Variants in KHSRP observed in about 807,000 individuals in gnomAD.
KHSRP encodes far upstream element-binding protein 2.
In KHSRP, 13 loss-of-function variants were observed where a neutral mutation model predicts 94.9. The ratio of observed to expected loss-of-function variants is 0.14; its 90% CI spans 0.09 to 0.22. The LOEUF (loss-of-function observed/expected upper bound fraction) is 0.22. Ranked by LOEUF, KHSRP falls within the 10% of genes least tolerant of loss-of-function variation. The pLI is 1.00. For missense variants in KHSRP, 710 were observed against 1,010.0 expected (o/e 0.70, Z 4.03); for synonymous variants, 495 against 401.4 (o/e 1.23, Z -2.79).
intron 1 of KHSRP, 32 bp downstream of exon 1, chr19:6,424,421 G>A (rs1296312653): frequency 3.9e-5 from 38 of 979,160 alleles, no homozygotes; most frequent in Non-Finnish European, 4.5e-5. Flanking sequence ...GCGCGCGCGC[G>A]AGCGCGCCCC....
chr19:6,415,760 G>T (rs779028251), intron 16 of KHSRP, 26 bp from the exon 17 acceptor site: 1 of 1,551,368 alleles, frequency 6.4e-7, no homozygotes, highest in Non-Finnish European at 8.7e-7. Flanking sequence ...CGGGTGAGAC[G>T]GGGGGACAGA....
chr19:6,415,763 G>C, intron 16 of KHSRP, 29 bp from the exon 17 acceptor site: 1 of 1,552,254 alleles, frequency 6.4e-7, no homozygotes, highest in South Asian at 1.2e-5. Context: ...GTGAGACGGG[G>C]GGACAGAACA....
chr19:6,414,362 G>C lies in KHSRP; in HGVS notation c.*662C>G. 5 of 1,357,426 alleles carry C rather than the reference G, an allele frequency of 3.7e-6. No individual in the cohort carries two copies. The highest frequency in any genetic ancestry group is 4.8e-6 in the Non-Finnish European group (5 of 1,052,328). The allele number at this position is 1,357,426 out of a possible 1,614,324, so 84.1% of individuals were successfully genotyped here. A position where few individuals can be genotyped will look rare whatever the true frequency, so the allele number is the denominator to read the frequency against. ...GGGACAGAGCAGGAAGAGAGGAGAG[G>C]GGCCGCGGAGGGCGGAGGCGCTAGG... On this transcript the variant is annotated 3_prime_UTR_variant, in exon 19 of 19. Coordinates refer to ENST00000600480, the MANE Select transcript of KHSRP (RefSeq NM_001366299.1).
intron 1 of KHSRP, among the ~76,000 whole-genome samples, chr19:6,422,843 T>A (rs866315460): frequency 6.6e-6 from 1 of 152,190 alleles, no homozygotes; most frequent in Non-Finnish European, 1.5e-5. Flanking sequence ...TGTTTTTTTT[T>A]AGCCCCGTTT....
Position 6,416,410 on chromosome 19 carries a change from AGAAG to A in KHSRP, c.1489-7_1489-4del, listed in dbSNP as rs749289625. ...GGTCCAACTGGGCAGAGAGGACCCT[AGAAG>A]GAAGGAGAGTAACCAAGGTAAGTGG... On this transcript the variant is annotated splice_region_variant and splice_polypyrimidine_tract_variant and intron_variant, in intron 14 of 18. Coordinates refer to ENST00000600480, the MANE Select transcript of KHSRP (RefSeq NM_001366299.1). 258 of 1,613,244 alleles carry A rather than the reference AGAAG, an allele frequency of 1.6e-4. No homozygotes were observed. Among genetic ancestry groups the A allele is most frequent in the Non-Finnish European group, 2.1e-4 (250 of 1,179,652 alleles).
rs199773141 is a variant in KHSRP at position 6,417,940 on chromosome 19, C to A, written c.978+41G>T. The A allele has an allele frequency of 2.1e-4, 337 of 1,602,820 alleles. No homozygotes were observed. In the African/African-American group the frequency reaches 3.9e-3, roughly 19 times the overall value. On this transcript the variant is annotated intron_variant, in intron 10 of 18. Coordinates refer to ENST00000600480, the MANE Select transcript of KHSRP (RefSeq NM_001366299.1). ...CCACTCACCCCGGCCCCTCCCTCCA[C>A]TGGCGGGGGAGAGGGGGGTGAAGGC...
chr19:6,417,180 C>G (rs1220719402), intron 11 of KHSRP, 93 bp from the exon 12 acceptor site: 1 of 957,478 alleles, frequency 1.0e-6, no homozygotes, highest in South Asian at 1.7e-5. Context: ...GACACCACGC[C>G]GGCCTGAGAT....
At chr19:6,422,293 G>A (rs1437611216) in intron 2 of KHSRP, 47 bp downstream of exon 2, 4 of 1,317,788 alleles carry the variant, frequency 3.0e-6, no homozygotes, top group East Asian at 2.3e-5. Context: ...CACCTCTTTA[G>A]GCCCCCAGCC....
rs73565848 is a variant in KHSRP, at chr19:6,416,094, C to T, written c.1599-198G>A. Among the ~76,000 whole-genome samples the T allele has an allele frequency of 6.0e-3, 913 of 152,296 alleles. 10 individuals carry two copies. The highest frequency in any genetic ancestry group is 0.021 in the African/African-American group (869 of 41,554). On this transcript the variant is annotated intron_variant, in intron 15 of 18. Transcript: ENST00000600480. ...CAGCTTGAGGACATGAAAGAAGCCG[C>T]GAAACTTGCACGTGCACAGAGGGAT...
chr19:6,420,544 T>C (rs2092189109), intron 4 of KHSRP, 73 bp from the exon 5 acceptor site: 4 of 1,405,344 alleles, frequency 2.8e-6, no homozygotes, highest in Middle Eastern at 1.8e-4. Flanking sequence ...AAGGTCTACT[T>C]GAAGCCAAGG....
At chr19:6,415,952 G>C (rs2092142439) in intron 15 of KHSRP, 56 bp from the exon 16 acceptor site, 5 of 1,132,760 alleles carry the variant, frequency 4.4e-6, no homozygotes, top group Non-Finnish European at 6.1e-6. Flanking sequence ...GCCGCAGCCG[G>C]ACCACCTGGG....
chr19:6,416,809 T>C lies in KHSRP; in HGVS notation c.1256A>G (p.Asn419Ser), dbSNP rs761421969. The C allele has an allele frequency of 2.8e-5, 44 of 1,586,294 alleles. No homozygotes were observed. Among genetic ancestry groups the C allele is most frequent in the Non-Finnish European group, 3.3e-5 (39 of 1,166,562 alleles). Residue 419 changes from asparagine (N) to serine (S), a missense_variant, in exon 13 of 19, where the codon AAT becomes AGT. This residue lies in a region of KHSRP where 288 missense variants were observed against 501.1 expected (regional missense o/e 0.57). Transcript: ENST00000600480. ...GGRGRGRGQG[N>S]WGPPGGEMTF... ...CATCTCCCCGCCAGGGGGACCCCAA[T>C]TGCCTTGGCCTCTTCCTCGGCCTCG...
At position 6,413,123 on chromosome 19, in the gene KHSRP, T is replaced by C. The variant is rs2092110455; in HGVS notation, c.*1901A>G. 1.1e-5 allele frequency among the ~76,000 whole-genome samples: 1 copy of C among 93,880 alleles called. No homozygotes were observed. The highest frequency in any genetic ancestry group is 2.0e-5 in the Non-Finnish European group (1 of 50,290). The allele number at this position is 93,880 out of a possible 152,430, so 61.6% of individuals were successfully genotyped here. A position where few individuals can be genotyped will look rare whatever the true frequency, so the allele number is the denominator to read the frequency against. The stretch of plus-strand genomic sequence containing the variant: ...GCAGTCTTTTTTAAACAAAAAGCAC[T>C]TTATTTAACAAAAAAAAAAAAGGGG... On this transcript the variant is annotated 3_prime_UTR_variant, in exon 19 of 19. Coordinates refer to ENST00000600480, the MANE Select transcript of KHSRP (RefSeq NM_001366299.1).
At position 6,418,396 on chromosome 19, in the gene KHSRP, G is replaced by A. The variant is rs1252076494; in HGVS notation, c.879+87C>T. 3.2e-6 allele frequency: 3 copies of A among 927,516 alleles called. No individual in the cohort carries two copies. Among genetic ancestry groups the A allele is most frequent in the Non-Finnish European group, 5.2e-6 (3 of 581,544 alleles). 57.5% of individuals were successfully genotyped at this position (927,516 alleles called of 1,614,324 possible). ...TGACCGACTGTTCACATATCTCTCTGGCGGAATGCAGACCCCGAGACCGCT... is the reference window on the plus strand; with the variant it reads ...TGACCGACTGTTCACATATCTCTCTAGCGGAATGCAGACCCCGAGACCGCT... On this transcript the variant is annotated intron_variant, in intron 9 of 18. Coordinates refer to ENST00000600480, the MANE Select transcript of KHSRP (RefSeq NM_001366299.1). The surrounding 1 kb of genome is among the most constrained non-coding windows in gnomAD (Gnocchi z 4.3).
rs538567901 is a variant in KHSRP, at chr19:6,414,866, G to C, written c.*158C>G. 2 of 1,305,444 alleles carry C rather than the reference G, an allele frequency of 1.5e-6. No individual in the cohort carries two copies. Among genetic ancestry groups the C allele is most frequent in the Admixed American group, 3.8e-5 (1 of 26,026 alleles). 80.9% of individuals were successfully genotyped at this position (1,305,444 alleles called of 1,614,324 possible). A position where few individuals can be genotyped will look rare whatever the true frequency, so the allele number is the denominator to read the frequency against. On this transcript the variant is annotated 3_prime_UTR_variant, in exon 19 of 19. Transcript: ENST00000600480. ...CCAGCAGTTCAGAAGTCCCGCCTGCGAGTCTCAGCGCTCCCCAGCATCACG... is the reference window on the plus strand; with the variant it reads ...CCAGCAGTTCAGAAGTCCCGCCTGCCAGTCTCAGCGCTCCCCAGCATCACG...
rs2092171262 is a variant in KHSRP at position 6,418,496 on chromosome 19, G to A, written c.866C>T (p.Pro289Leu). 1 of 1,613,612 alleles carries A rather than the reference G, an allele frequency of 6.2e-7. No individual in the cohort carries two copies. The highest frequency in any genetic ancestry group is 8.5e-7 in the Non-Finnish European group (1 of 1,179,642). Residue 289 changes from proline to leucine, a missense_variant, in exon 9 of 19, where the codon CCT becomes CTT. Coordinates refer to ENST00000600480, the MANE Select transcript of KHSRP (RefSeq NM_001366299.1). The surrounding 1 kb of genome is among the most constrained non-coding windows in gnomAD (Gnocchi z 4.3). ...VDKPLRIIGD[P>L]YKVQQACEMV... ...GGGCGTGCTCACCTGCACTTTGTAA[G>A]GATCCCCAATGATGCGGAGAGGTTT...
Position 6,420,381 on chromosome 19 carries a change from G to T in KHSRP, c.475+41C>A, listed in dbSNP as rs181071885. The T allele has an allele frequency of 2.6e-5, 41 of 1,598,600 alleles. No homozygotes were observed. The African/African-American group carries it at 3.5e-4, about 14-fold the overall frequency. ...GGAGCTCACAGGACACTTCCTCCTG[G>T]GGAAGAGTGGGCCTCCCCACCCAAG... On this transcript the variant is annotated intron_variant, in intron 5 of 18. Transcript: ENST00000600480.
In KHSRP at chr19:6,413,462, C is replaced by A; in HGVS notation, c.*1562G>T. ...TTTTCAGTTTCAATCTCCTCTTGAA[C>A]AGATGAAAAGACAACAGACCAGTCC... On this transcript the variant is annotated 3_prime_UTR_variant, in exon 19 of 19. Transcript: ENST00000600480. The A allele has an allele frequency of 2.5e-6, 1 of 392,266 alleles. No individual in the cohort carries two copies. The allele number at this position is 392,266 out of a possible 1,614,324, so 24.3% of individuals were successfully genotyped here.
At chr19:6,423,790 G>A (rs1030003055) in intron 1 of KHSRP, among the ~76,000 whole-genome samples, 9 of 152,210 alleles carry the variant, frequency 5.9e-5, no homozygotes, top group South Asian at 2.1e-4. Flanking sequence ...AGCTGGAGAG[G>A]TCAGTCCTAG....
Sources: gnomAD v4.1 joint callset for allele counts (sites outside exome capture counted in the v4.1 genomes callset) on GRCh38, gnomAD v4.1.1 for gene constraint, gnomAD v4.1.1 regional missense constraint, Gnocchi (gnomAD v3.1) non-coding constraint, MANE v1.5 for transcripts, NCBI Gene and HGNC (gene_info 2026-07-23, HGNC 2026-07-21) for gene names.